IL15RA: variants seen among roughly 807,000 people sequenced by gnomAD.
IL15RA encodes interleukin-15 receptor subunit alpha.
Under a neutral mutation model 24.2 loss-of-function variants are expected in IL15RA, and 26 were observed. The observed-to-expected ratio is 1.07, with a 90% CI of 0.79 to 1.49. IL15RA has a LOEUF of 1.49. IL15RA is among the 40% of genes most tolerant of loss of function. IL15RA has a pLI of 0.00. For missense variants in IL15RA, 354 were observed against 356.4 expected (o/e 0.99, Z 0.05); for synonymous variants, 166 against 157.6 (o/e 1.05, Z -0.40).
Position 5,960,380 on chromosome 10 carries a change from G to A in IL15RA, c.570C>T (p.Ser190=). 6.2e-7 allele frequency: 1 copy of A among 1,614,090 alleles called. No homozygotes were observed. The highest frequency in any genetic ancestry group is 8.5e-7 in the Non-Finnish European group (1 of 1,179,972). Reference sequence around the variant, plus strand: ...GCGAGTGCTAACCTGGCGGCTGGTGGGAGGCGGATGCTGTGAGTTCCCAGT... The same window carrying A: ...GCGAGTGCTAACCTGGCGGCTGGTGAGAGGCGGATGCTGTGAGTTCCCAGT... ...AKNWELTASA[S]HQPPGVYPQG... is the part of the protein sequence containing the mutation. Residue 190 remains serine (S), a synonymous_variant, in exon 4 of 7, where the codon TCC becomes TCT. Transcript: ENST00000379977. This position sits in a 1 kb window ranked among gnomAD's most constrained non-coding sequence, Gnocchi z 5.1.
In IL15RA at chr10:5,968,673, C is replaced by T. The variant is rs1432386950; in HGVS notation, c.89-2334G>A. The T allele has an allele frequency of 5.9e-6, 4 of 672,660 alleles. No individual in the cohort carries two copies. Among genetic ancestry groups the T allele is most frequent in the Non-Finnish European group, 8.1e-6 (3 of 368,474 alleles). The allele number at this position is 672,660 out of a possible 1,614,324, so 41.7% of individuals were successfully genotyped here. On this transcript the variant is annotated intron_variant, in intron 1 of 6. Coordinates refer to ENST00000379977, the MANE Select transcript of IL15RA (RefSeq NM_002189.4). This position sits in a 1 kb window ranked among gnomAD's most constrained non-coding sequence, Gnocchi z 5.4. ...AGAGGCTTTTTCTCCATGTTCTGCT[C>T]CACACTGATCTTCTGTCCTTCTCTA...
rs1036205280 is a variant in IL15RA, at chr10:5,962,568, G to A, written c.382+1175C>T. ...GATTTCACCTCTGCCCTCCAGACTG[G>A]GCAATAGAGCAAGACCCCATCTCAA... is the stretch of plus-strand genomic sequence containing the variant. On this transcript the variant is annotated intron_variant, in intron 3 of 6. Transcript: ENST00000379977. The surrounding 1 kb of genome is among the most constrained non-coding windows in gnomAD (Gnocchi z 5.2). Among the ~76,000 whole-genome samples the A allele has an allele frequency of 3.3e-5, 5 of 149,724 alleles. No individual in the cohort carries two copies. The highest frequency in any genetic ancestry group is 3.5e-3 in the Middle Eastern group (1 of 288).
intron 5 of IL15RA, among the ~76,000 whole-genome samples, chr10:5,957,350 A>G (rs543795959): frequency 1.7e-4 from 26 of 151,716 alleles, no homozygotes; most frequent in African/African-American, 5.8e-4. Context: ...ATCTCAGCTC[A>G]CTACAACCTC....
At position 5,967,932 on chromosome 10, in the gene IL15RA, G is replaced by A. The variant is rs193042869; in HGVS notation, c.89-1593C>T. On this transcript the variant is annotated intron_variant, in intron 1 of 6. Transcript: ENST00000379977. This position sits in a 1 kb window ranked among gnomAD's most constrained non-coding sequence, Gnocchi z 4.4. ...AAATTAGCTGGATGTGGTGGTGGGCGCCTGTAATCCCAGCTACTCAGGAGG... is the reference window on the plus strand; with the variant it reads ...AAATTAGCTGGATGTGGTGGTGGGCACCTGTAATCCCAGCTACTCAGGAGG... Among the ~76,000 whole-genome samples the A allele has an allele frequency of 8.5e-5, 13 of 152,184 alleles. No homozygotes were observed. The highest frequency in any genetic ancestry group is 4.1e-4 in the South Asian group (2 of 4,828).
At chr10:5,954,717 G>C (rs1339894607) in intron 6 of IL15RA, among the ~76,000 whole-genome samples, 3 of 151,848 alleles carry the variant, frequency 2.0e-5, no homozygotes, top group African/African-American at 7.3e-5. Context: ...TTCATAAAGA[G>C]ATGGTATGTA....
chr10:5,958,035 C>T lies in IL15RA; in HGVS notation c.617-1581G>A, dbSNP rs185940991. On this transcript the variant is annotated intron_variant, in intron 5 of 6. Transcript: ENST00000379977. The surrounding 1 kb of genome is among the most constrained non-coding windows in gnomAD (Gnocchi z 4.3). ...GGATTTTATCCTACAGATGTTCTTGCACCTATGGATTTTCAATTAATGGCT... is the reference window on the plus strand; with the variant it reads ...GGATTTTATCCTACAGATGTTCTTGTACCTATGGATTTTCAATTAATGGCT... Among the ~76,000 whole-genome samples, 267 of 152,316 alleles carry T rather than the reference C, an allele frequency of 1.8e-3. No individual in the cohort carries two copies. The highest frequency in any genetic ancestry group is 3.2e-3 in the Non-Finnish European group (217 of 68,032).
Position 5,973,710 on chromosome 10 carries a change from T to G in IL15RA, c.88+3695A>C, listed in dbSNP as rs1837974357. The stretch of plus-strand genomic sequence containing the variant: ...GCCATAAATGTAAACCCTAAAGCTA[T>G]AAAACTTCTAGAGGAACACATAGAA... On this transcript the variant is annotated intron_variant, in intron 1 of 6. Transcript: ENST00000379977. The surrounding 1 kb of genome is among the most constrained non-coding windows in gnomAD (Gnocchi z 4.5). 6.6e-6 allele frequency among the ~76,000 whole-genome samples: 1 copy of G among 152,212 alleles called. No individual in the cohort carries two copies.
chr10:5,976,645 G>T (rs1306498716), intron 1 of IL15RA, among the ~76,000 whole-genome samples: 1 of 152,092 alleles, frequency 6.6e-6, no homozygotes, highest in Non-Finnish European at 1.5e-5. Context: ...TCCTCTGGCT[G>T]CCGGGACAAA....
In IL15RA at chr10:5,956,372, A is replaced by C. The variant is rs1345237023; in HGVS notation, c.692+7T>G. 8 of 1,608,034 alleles carry C rather than the reference A, an allele frequency of 5.0e-6. No individual in the cohort carries two copies. Among genetic ancestry groups the C allele is most frequent in the East Asian group, 2.2e-5 (1 of 44,850 alleles). On this transcript the variant is annotated splice_region_variant and intron_variant, in intron 6 of 6. Coordinates refer to ENST00000379977, the MANE Select transcript of IL15RA (RefSeq NM_002189.4). ...CTCTTGCAGAGGGAGTATCCAGTGC[A>C]ACTCACCTTGACTTGAGGTAGCATG... is the stretch of plus-strand genomic sequence containing the variant.
chr10:5,959,621 G>A lies in IL15RA; in HGVS notation c.616+133C>T. On this transcript the variant is annotated intron_variant, in intron 5 of 6. Coordinates refer to ENST00000379977, the MANE Select transcript of IL15RA (RefSeq NM_002189.4). This position sits in a 1 kb window ranked among gnomAD's most constrained non-coding sequence, Gnocchi z 4.1. ...GCTATTACTTAACTTATTATCTGAT[G>A]GAGGCCTTCTGAGTGTGGAAGGGGC... 1.3e-6 allele frequency: 1 copy of A among 746,124 alleles called. No individual in the cohort carries two copies. Among genetic ancestry groups the A allele is most frequent in the Non-Finnish European group, 2.4e-6 (1 of 418,606 alleles). The allele number at this position is 746,124 out of a possible 1,614,324, so 46.2% of individuals were successfully genotyped here.
At position 5,966,925 on chromosome 10, in the gene IL15RA, T is replaced by A. The variant is rs1836661335; in HGVS notation, c.89-586A>T. ...AGGCAGAGGTTGCAGTGAGCCACGA[T>A]CACACCACTGCACTCTAGCCTGGGA... On this transcript the variant is annotated intron_variant, in intron 1 of 6. Coordinates refer to ENST00000379977, the MANE Select transcript of IL15RA (RefSeq NM_002189.4). The surrounding 1 kb of genome is among the most constrained non-coding windows in gnomAD (Gnocchi z 6.4). 1.3e-5 allele frequency among the ~76,000 whole-genome samples: 2 copies of A among 151,642 alleles called. No individual in the cohort carries two copies. Among genetic ancestry groups the A allele is most frequent in the Non-Finnish European group, 2.9e-5 (2 of 67,936 alleles).
In IL15RA at chr10:5,958,408, C is replaced by G. The variant is rs1223965698; in HGVS notation, c.616+1346G>C. 3.1e-5 allele frequency: 13 copies of G among 420,384 alleles called. No individual in the cohort carries two copies. Among genetic ancestry groups the G allele is most frequent in the Admixed American group, 3.0e-4 (12 of 39,990 alleles). 26.0% of individuals were successfully genotyped at this position (420,384 alleles called of 1,614,324 possible). A position where few individuals can be genotyped will look rare whatever the true frequency, so the allele number is the denominator to read the frequency against. ...TTTGCTTTTCGTCTTTTTTTTGAGA[C>G]AGGGTCCTGTCCTGTTGCCCAGGCC... is the stretch of plus-strand genomic sequence containing the variant. On this transcript the variant is annotated intron_variant, in intron 5 of 6. Coordinates refer to ENST00000379977, the MANE Select transcript of IL15RA (RefSeq NM_002189.4). This position sits in a 1 kb window ranked among gnomAD's most constrained non-coding sequence, Gnocchi z 4.3.
Position 5,963,171 on chromosome 10 carries a change from G to A in IL15RA, c.382+572C>T, listed in dbSNP as rs1835887019. 6.6e-6 allele frequency among the ~76,000 whole-genome samples: 1 copy of A among 152,212 alleles called. No homozygotes were observed. Among genetic ancestry groups the A allele is most frequent in the African/African-American group, 2.4e-5 (1 of 41,442 alleles). ...CAAGCGCCTTGGAAGACGGGGACAT[G>A]GTCTCCCCTGGAGCAGAGAGCAGGT... On this transcript the variant is annotated intron_variant, in intron 3 of 6. Coordinates refer to ENST00000379977, the MANE Select transcript of IL15RA (RefSeq NM_002189.4). The surrounding 1 kb of genome is among the most constrained non-coding windows in gnomAD (Gnocchi z 5.3).
Position 5,963,740 on chromosome 10 carries a change from T to A in IL15RA, c.382+3A>T. The A allele has an allele frequency of 2.6e-6, 4 of 1,511,462 alleles. No individual in the cohort carries two copies. Among genetic ancestry groups the A allele is most frequent in the Non-Finnish European group, 3.5e-6 (4 of 1,139,636 alleles). 93.6% of individuals were successfully genotyped at this position (1,511,462 alleles called of 1,614,324 possible). A position where few individuals can be genotyped will look rare whatever the true frequency, so the allele number is the denominator to read the frequency against. On this transcript the variant is annotated splice_donor_region_variant and intron_variant, in intron 3 of 6. Transcript: ENST00000379977. The surrounding 1 kb of genome is among the most constrained non-coding windows in gnomAD (Gnocchi z 5.3). ...GTCCTCGAGAAGTTTCTGACCTTCC[T>A]ACCTTTTCCAGAAGGGGAGAGGCTC...
upstream of IL15RA, among the ~76,000 whole-genome samples, chr10:5,978,392 A>T (rs1438526802): frequency 6.6e-6 from 1 of 152,058 alleles, no homozygotes; most frequent in Non-Finnish European, 1.5e-5. The surrounding 1 kb of genome is among the most constrained non-coding windows in gnomAD (Gnocchi z 5.2). Context: ...CCAAGTGCAG[A>T]TTCTCAGGTC....
intron 6 of IL15RA, chr10:5,954,131 G>A (rs1389651734): frequency 3.3e-5 from 5 of 150,700 alleles, no homozygotes; most frequent in African/African-American, 1.2e-4. Context: ...TTCACCAAAT[G>A]ACCAAGTAAT....
chr10:5,959,061 C>G lies in IL15RA; in HGVS notation c.616+693G>C, dbSNP rs1835039486. Among the ~76,000 whole-genome samples, 1 of 152,064 alleles carries G rather than the reference C, an allele frequency of 6.6e-6. No individual in the cohort carries two copies. Among genetic ancestry groups the G allele is most frequent in the African/African-American group, 2.4e-5 (1 of 41,374 alleles). The stretch of plus-strand genomic sequence containing the variant: ...CCCTTTTCCTCCTTATCATCACTTG[C>G]ACGTTCTCTTTTCTATTCTCCTAGC... On this transcript the variant is annotated intron_variant, in intron 5 of 6. Transcript: ENST00000379977. The surrounding 1 kb of genome is among the most constrained non-coding windows in gnomAD (Gnocchi z 4.1).
Position 5,961,860 on chromosome 10 carries a change from G to C in IL15RA, c.383-1293C>G, listed in dbSNP as rs1835616682. The stretch of plus-strand genomic sequence containing the variant: ...GTTCCCATGGTCTCCCAGCCACACA[G>C]GTCATGAGAAGGCCTCACGCCCCTT... On this transcript the variant is annotated intron_variant, in intron 3 of 6. Transcript: ENST00000379977. The surrounding 1 kb of genome is among the most constrained non-coding windows in gnomAD (Gnocchi z 5.2). Among the ~76,000 whole-genome samples the C allele has an allele frequency of 6.6e-6, 1 of 152,236 alleles. No individual in the cohort carries two copies. Among genetic ancestry groups the C allele is most frequent in the Admixed American group, 6.5e-5 (1 of 15,280 alleles).
Position 5,963,472 on chromosome 10 carries a change from A to G in IL15RA, c.382+271T>C, listed in dbSNP as rs992969543. Among the ~76,000 whole-genome samples, 1 of 152,266 alleles carries G rather than the reference A, an allele frequency of 6.6e-6. No individual in the cohort carries two copies. Among genetic ancestry groups the G allele is most frequent in the East Asian group, 1.9e-4 (1 of 5,204 alleles). On this transcript the variant is annotated intron_variant, in intron 3 of 6. Transcript: ENST00000379977. The surrounding 1 kb of genome is among the most constrained non-coding windows in gnomAD (Gnocchi z 5.3). Reference sequence around the variant, plus strand: ...AGTCTGCTTTCAGTTCTTGACAAAGATAAGTGTCTACAACTAAATTTGATA... The same window carrying G: ...AGTCTGCTTTCAGTTCTTGACAAAGGTAAGTGTCTACAACTAAATTTGATA...
Sources: allele counts gnomAD v4.1 joint callset (sites outside exome capture counted in the v4.1 genomes callset), GRCh38; gene constraint gnomAD v4.1.1; non-coding constraint Gnocchi (gnomAD v3.1); transcripts MANE v1.5; gene names NCBI Gene and HGNC (gene_info 2026-07-23, HGNC 2026-07-21).